The following AKAP1 variants were observed in gnomAD, a reference collection of about 807,000 sequenced individuals.
AKAP1 encodes A-kinase anchor protein 1, mitochondrial.
AKAP1 carries 32 observed loss-of-function variants against 79.8 expected under a neutral mutation model. That is an observed-to-expected ratio of 0.40 (90% CI 0.30 to 0.54). The LOEUF (loss-of-function observed/expected upper bound fraction) is 0.54. Among genes scored for constraint, AKAP1 ranks in the 20% least tolerant of loss-of-function variants. The pLI, the probability that AKAP1 is intolerant of heterozygous loss-of-function variation, is 0.47. For synonymous variants in AKAP1, 416 were observed against 466.7 expected, an observed-to-expected ratio of 0.89 and a Z score of 1.40; for missense variants, 961 against 1,138.9, an observed-to-expected ratio of 0.84 and a Z score of 2.25.
At chr17:57,100,985 C>T (rs1397975713) in intron 1 of AKAP1, among the ~76,000 whole-genome samples, 2 of 152,148 alleles carry the variant, frequency 1.3e-5, no homozygotes, top group African/African-American at 4.8e-5. Context: ...GCCAAGATCA[C>T]ACCATTGCCC....
intron 2 of AKAP1, 68 bp from the exon 3 acceptor site, chr17:57,109,957 G>A (rs1915134019): frequency 1.9e-6 from 3 of 1,577,416 alleles, no homozygotes; most frequent in South Asian, 1.2e-5. Context: ...AGTTTGGGAA[G>A]TTCTTGGTTA....
rs1389693572 is a variant in AKAP1 at position 57,116,112 on chromosome 17, A to G, written c.2283A>G (p.Ile761Met). Residue 761 changes from isoleucine to methionine, a missense_variant and splice_region_variant, in exon 7 of 11, where the codon ATA (isoleucine) becomes ATG (methionine). Transcript: ENST00000337714. ...CGCACTCTGCTCCCTACCCTGCAGT[A>G]ACGGTCATCTGTGCCGCCCCTGGTG... ...GIPTLPTPVE[I>M]TVICAAPGAD... The G allele has an allele frequency of 6.2e-7, 1 of 1,612,448 alleles. No homozygotes were observed. Among genetic ancestry groups the G allele is most frequent in the Non-Finnish European group, 8.5e-7 (1 of 1,179,934 alleles).
chr17:57,113,939 G>A (rs1041245848), intron 5 of AKAP1, among the ~76,000 whole-genome samples: 1 of 152,146 alleles, frequency 6.6e-6, no homozygotes, highest in Non-Finnish European at 1.5e-5. Flanking sequence ...GGAGGGCAGC[G>A]TAGATGCTGT....
intron 1 of AKAP1, chr17:57,092,601 T>G (rs1391021038): frequency 6.6e-6 from 1 of 152,176 alleles, no homozygotes; most frequent in Non-Finnish European, 1.5e-5. Flanking sequence ...AACTTAAAGG[T>G]AAAAGCAAGC....
rs1915871242 is a variant in AKAP1 at position 57,120,623 on chromosome 17, C to CAA, written c.*299_*300insAA. ...CAGTTTCAACCAGATTGTCCTATTC[C>CAA]CCCTGTTCCATTCCCCTCTTCTTCC... On this transcript the variant is annotated 3_prime_UTR_variant, in exon 11 of 11. Transcript: ENST00000337714. 1.5e-5 allele frequency: 4 copies of CAA among 259,026 alleles called. No homozygotes were observed. Among genetic ancestry groups the CAA allele is most frequent in the Non-Finnish European group, 2.2e-5 (3 of 135,868 alleles). 16.0% of individuals were successfully genotyped at this position (259,026 alleles called of 1,614,324 possible). A position where few individuals can be genotyped will look rare whatever the true frequency, so the allele number is the denominator to read the frequency against.
At chr17:57,101,186 G>T (rs1046604486) in intron 1 of AKAP1, among the ~76,000 whole-genome samples, 2 of 152,138 alleles carry the variant, frequency 1.3e-5, no homozygotes, top group Non-Finnish European at 2.9e-5. Flanking sequence ...GGGTGTGGGC[G>T]GGTTATTACA....
At chr17:57,087,681 A>G (rs1469792941) in intron 1 of AKAP1, among the ~76,000 whole-genome samples, 2 of 152,164 alleles carry the variant, frequency 1.3e-5, no homozygotes, top group African/African-American at 4.8e-5. Context: ...CTCTTGAATT[A>G]CTTGAGTGAC....
intron 3 of AKAP1, 39 bp from the exon 4 acceptor site, chr17:57,111,759 T>C (rs775250520): frequency 1.2e-6 from 2 of 1,607,892 alleles, no homozygotes; most frequent in Non-Finnish European, 1.7e-6. Context: ...GGAATTGGTT[T>C]CCCTTTAACC....
intron 1 of AKAP1, chr17:57,095,864 G>A (rs577476585): frequency 6.6e-6 from 1 of 152,250 alleles, no homozygotes; most frequent in South Asian, 2.1e-4. Flanking sequence ...TACCCAGGAA[G>A]GCATTCCTGG....
In AKAP1 at chr17:57,095,372, T is replaced by C. The variant is rs558414123; in HGVS notation, c.-25+9974T>C. 2.6e-5 allele frequency: 4 copies of C among 152,220 alleles called. No homozygotes were observed. In the South Asian group the frequency reaches 8.3e-4, roughly 32 times the overall value. The allele number at this position is 152,220 out of a possible 1,614,324, so 9.4% of individuals were successfully genotyped here. ...TTTGTAGATACAAGGTCTCACTATA[T>C]TGCCCAGGCTGGTCTTGAGCTCCTG... On this transcript the variant is annotated intron_variant, in intron 1 of 10. Transcript: ENST00000337714.
chr17:57,105,414 T>TC (rs1202009478), intron 1 of AKAP1, 27 bp from the exon 2 acceptor site: 2 of 1,606,888 alleles, frequency 1.2e-6, no homozygotes, highest in Non-Finnish European at 1.7e-6. Context: ...GTAACATCCC[T>TC]CCTCCCCGCT....
At position 57,116,812 on chromosome 17, in the gene AKAP1, G is replaced by A. The variant is rs919116007; in HGVS notation, c.2433-48G>A. Reference sequence around the variant, plus strand: ...AAGATGAATACTGGCTTGGAGTGGAGTCAGCCTTCATGTCCACATTAAACT... The same window carrying A: ...AAGATGAATACTGGCTTGGAGTGGAATCAGCCTTCATGTCCACATTAAACT... On this transcript the variant is annotated intron_variant, in intron 7 of 10. Transcript: ENST00000337714. 7 of 1,549,350 alleles carry A rather than the reference G, an allele frequency of 4.5e-6. No individual in the cohort carries two copies. In the Admixed American group the frequency reaches 6.7e-5, roughly 15 times the overall value.
At chr17:57,105,012 C>T (rs1468288475) in intron 1 of AKAP1, among the ~76,000 whole-genome samples, 3 of 152,196 alleles carry the variant, frequency 2.0e-5, no homozygotes, top group Non-Finnish European at 4.4e-5. Flanking sequence ...GAACCATGCA[C>T]ATGTGGATTC....
rs1225177819 is a variant in AKAP1, at chr17:57,110,133, T to A, written c.1823T>A (p.Ile608Asn). The stretch of plus-strand genomic sequence containing the variant: ...TCCAACCCTAAGAAGGTCGACCTCA[T>A]CATCTGGGAGATCGAGGTGCCAAAG... Reference protein sequence around the residue: ...AGSNPKKVDLIIWEIEVPKHL... With the variant: ...AGSNPKKVDLNIWEIEVPKHL... Residue 608 changes from isoleucine to asparagine, a missense_variant, in exon 3 of 11, where the codon ATC becomes AAC. Coordinates refer to ENST00000337714, the MANE Select transcript of AKAP1 (RefSeq NM_003488.4). 1 of 1,614,040 alleles carries A rather than the reference T, an allele frequency of 6.2e-7. No individual in the cohort carries two copies. The highest frequency in any genetic ancestry group is 1.7e-5 in the Admixed American group (1 of 60,022).
rs1914921762 is a variant in AKAP1, at chr17:57,106,921, C to A, written c.1457C>A (p.Thr486Asn). The A allele has an allele frequency of 6.2e-7, 1 of 1,613,900 alleles. No individual in the cohort carries two copies. Among genetic ancestry groups the A allele is most frequent in the African/African-American group, 1.3e-5 (1 of 74,928 alleles). ...DRAGILVEDATCVTCMSDSSQ... is the reference protein window; with the variant it reads ...DRAGILVEDANCVTCMSDSSQ... The stretch of plus-strand genomic sequence containing the variant: ...GCAGGCATCCTGGTGGAAGATGCCA[C>A]CTGTGTCACCTGCATGTCAGACAGC... Residue 486 changes from threonine to asparagine, a missense_variant, in exon 2 of 11, where the codon ACC becomes AAC. By Grantham distance (65) the Thr-to-Asn change is moderately conservative. Coordinates refer to ENST00000337714, the MANE Select transcript of AKAP1 (RefSeq NM_003488.4).
In AKAP1 at chr17:57,106,805, C is replaced by G; in HGVS notation, c.1341C>G (p.Thr447=). 1 of 1,614,160 alleles carries G rather than the reference C, an allele frequency of 6.2e-7. No homozygotes were observed. Among genetic ancestry groups the G allele is most frequent in the Non-Finnish European group, 8.5e-7 (1 of 1,180,040 alleles). The change falls in exon 2 of 11, where the codon ACC becomes ACG. Residue 447 remains threonine (T), a synonymous_variant. Coordinates refer to ENST00000337714, the MANE Select transcript of AKAP1 (RefSeq NM_003488.4). The part of the protein sequence containing the change: ...SCLKSLLSSP[T]KDSKPNISAH... ...TGAAGAGCCTTCTGTCCAGCCCCAC[C>G]AAGGACAGTAAGCCAAATATCTCTG...
Position 57,106,124 on chromosome 17 carries a change from G to A in AKAP1, c.660G>A (p.Leu220=). 2 of 1,608,204 alleles carry A rather than the reference G, an allele frequency of 1.2e-6. No individual in the cohort carries two copies. The highest frequency in any genetic ancestry group is 8.5e-7 in the Non-Finnish European group (1 of 1,176,274). The change falls in exon 2 of 11, where the codon TTG becomes TTA. Residue 220 remains leucine (L), a synonymous_variant. Coordinates refer to ENST00000337714, the MANE Select transcript of AKAP1 (RefSeq NM_003488.4). The part of the protein sequence containing the change: ...LGEKVLEEAL[L]SREHVLELEN... ...AAAAGGTGCTTGAAGAAGCTCTGTT[G>A]TCTCGGGAGCATGTCTTGGAATTGG...
rs570814404 is a variant in AKAP1 at position 57,091,382 on chromosome 17, T to C, written c.-25+5984T>C. 3.9e-5 allele frequency among the ~76,000 whole-genome samples: 6 copies of C among 152,314 alleles called. No individual in the cohort carries two copies. The East Asian group carries it at 9.6e-4, about 24-fold the overall frequency. ...GGACAGGTCCTGGTGCCAAAGCTGC[T>C]GCTGTCTCTGCTGCCACCGCCTCGT... On this transcript the variant is annotated intron_variant, in intron 1 of 10. Coordinates refer to ENST00000337714, the MANE Select transcript of AKAP1 (RefSeq NM_003488.4).
At chr17:57,096,146 A>C (rs1285972044) in intron 1 of AKAP1, 1 of 152,188 alleles carries the variant, frequency 6.6e-6, no homozygotes, top group Non-Finnish European at 1.5e-5. Context: ...CTCGGGTACT[A>C]AGTTTTCCAG....
Sources: allele counts gnomAD v4.1 joint callset (sites outside exome capture counted in the v4.1 genomes callset), GRCh38; gene constraint gnomAD v4.1.1; transcripts MANE v1.5; gene names NCBI Gene and HGNC (gene_info 2026-07-23, HGNC 2026-07-21).